The following PLBD2 variants were observed in gnomAD, a reference collection of about 807,000 sequenced individuals.
The protein encoded by PLBD2 is putative aminopeptidase PLBD2.
In PLBD2, 51 loss-of-function variants were observed where a neutral mutation model predicts 68.3. The ratio of observed to expected loss-of-function variants is 0.75; its 90% confidence interval spans 0.60 to 0.94. The LOEUF is 0.94. Ranked by LOEUF, PLBD2 falls within the 40% of genes least tolerant of loss-of-function variation. PLBD2 has a pLI of 0.00. For synonymous variants in PLBD2, 314 were observed against 339.3 expected (o/e 0.93, Z 0.82); for missense variants, 729 against 792.2 (o/e 0.92, Z 0.96).
intron 5 of PLBD2, among the ~76,000 whole-genome samples, chr12:113,379,900 C>T (rs778900662): frequency 1.3e-5 from 2 of 152,158 alleles, no homozygotes; most frequent in Non-Finnish European, 2.9e-5. Context: ...CATATACCCA[C>T]GCACACACAG....
Position 113,385,042 on chromosome 12 carries a change from G to T in PLBD2, c.1214+96G>T, listed in dbSNP as rs535918532. 138 of 1,352,732 alleles carry T rather than the reference G, an allele frequency of 1.0e-4. No homozygotes were observed. The South Asian group carries it at 1.6e-3, about 16-fold the overall frequency. 83.8% of individuals were successfully genotyped at this position (1,352,732 alleles called of 1,614,324 possible). A position where few individuals can be genotyped will look rare whatever the true frequency, so the allele number is the denominator to read the frequency against. The stretch of plus-strand genomic sequence containing the variant: ...TGCTGGCGCTGTGCAGGAAGTGAAC[G>T]ATCTCAGGAGGGTGTGGCTGGAAGA... On this transcript the variant is annotated intron_variant, in intron 8 of 11. Coordinates refer to ENST00000280800, the MANE Select transcript of PLBD2 (RefSeq NM_173542.4).
chr12:113,362,459 C>T (rs981137095), intron 1 of PLBD2, among the ~76,000 whole-genome samples: 2 of 151,920 alleles, frequency 1.3e-5, no homozygotes, highest in African/African-American at 2.4e-5. Context: ...TATTTGTGGC[C>T]CCCTGCTCAT....
Position 113,358,656 on chromosome 12 carries a change from G to A in PLBD2, c.56G>A (p.Arg19Gln), listed in dbSNP as rs912915152. 8 of 1,461,680 alleles carry A rather than the reference G, an allele frequency of 5.5e-6. No individual in the cohort carries two copies. Among genetic ancestry groups the A allele is most frequent in the South Asian group, 2.7e-5 (2 of 74,892 alleles). The allele number at this position is 1,461,680 out of a possible 1,614,324, so 90.5% of individuals were successfully genotyped here. A position where few individuals can be genotyped will look rare whatever the true frequency, so the allele number is the denominator to read the frequency against. The stretch of plus-strand genomic sequence containing the variant: ...AGCCACCTGGCCCGGGCGCTGACGC[G>A]GGCGCTGGCGCTGGCCCTGGTGCTG... ...PGSHLARALT[R>Q]ALALALVLAL... The change falls in exon 1 of 12, where the codon CGG becomes CAG. Residue 19 changes from arginine to glutamine, a missense_variant. Arg to Gln is a conservative substitution (Grantham distance 43). Coordinates refer to ENST00000280800, the MANE Select transcript of PLBD2 (RefSeq NM_173542.4).
chr12:113,370,836 A>C (rs1443346434), intron 2 of PLBD2, among the ~76,000 whole-genome samples: 1 of 152,178 alleles, frequency 6.6e-6, no homozygotes, highest in Non-Finnish European at 1.5e-5. Flanking sequence ...TGTCATGTGT[A>C]CTTCACAGTA....
At position 113,358,652 on chromosome 12, in the gene PLBD2, A is replaced by G. The variant is rs1156725507; in HGVS notation, c.52A>G (p.Thr18Ala). 1 of 1,462,136 alleles carries G rather than the reference A, an allele frequency of 6.8e-7. No homozygotes were observed. Among genetic ancestry groups the G allele is most frequent in the East Asian group, 3.1e-5 (1 of 32,710 alleles). 90.6% of individuals were successfully genotyped at this position (1,462,136 alleles called of 1,614,324 possible). A position where few individuals can be genotyped will look rare whatever the true frequency, so the allele number is the denominator to read the frequency against. ...YPGSHLARAL[T>A]RALALALVLA... ...CGGCAGCCACCTGGCCCGGGCGCTG[A>G]CGCGGGCGCTGGCGCTGGCCCTGGT... Residue 18 changes from threonine to alanine, a missense_variant, in exon 1 of 12, where the codon ACG becomes GCG. Thr to Ala is a moderately conservative substitution (Grantham distance 58). Coordinates refer to ENST00000280800, the MANE Select transcript of PLBD2 (RefSeq NM_173542.4).
chr12:113,370,680 G>A (rs1160869928), intron 2 of PLBD2, among the ~76,000 whole-genome samples: 3 of 151,934 alleles, frequency 2.0e-5, no homozygotes, highest in African/African-American at 4.8e-5. Flanking sequence ...GTTTTGCCAT[G>A]TTGGCCAGGC....
Position 113,358,717 on chromosome 12 carries a change from G to A in PLBD2, c.117G>A (p.Ala39=). The change falls in exon 1 of 12, where the codon GCG becomes GCA. Residue 39 remains alanine, a synonymous_variant. Coordinates refer to ENST00000280800, the MANE Select transcript of PLBD2 (RefSeq NM_173542.4). ...LLVGPFLSGL[A]GAIPAPGGRW... ...TCGGGCCGTTCCTGAGCGGCCTGGC[G>A]GGGGCGATCCCAGCGCCGGGGGGCC... The A allele has an allele frequency of 7.2e-7, 1 of 1,395,066 alleles. No individual in the cohort carries two copies. Among genetic ancestry groups the A allele is most frequent in the Non-Finnish European group, 9.2e-7 (1 of 1,081,570 alleles). The allele number at this position is 1,395,066 out of a possible 1,614,324, so 86.4% of individuals were successfully genotyped here. A position where few individuals can be genotyped will look rare whatever the true frequency, so the allele number is the denominator to read the frequency against.
intron 3 of PLBD2, among the ~76,000 whole-genome samples, chr12:113,373,709 A>G (rs2136910140): frequency 8.8e-6 from 1 of 114,260 alleles, no homozygotes; most frequent in African/African-American, 3.4e-5. Flanking sequence ...TCCTCCATCC[A>G]CCCATCCTTC....
At chr12:113,370,963 G>A (rs1957384849) in intron 2 of PLBD2, among the ~76,000 whole-genome samples, 1 of 152,214 alleles carries the variant, frequency 6.6e-6, no homozygotes, top group Admixed American at 6.5e-5. Context: ...GGCTGAGGAG[G>A]GAGGACTGCT....
Position 113,388,519 on chromosome 12 carries a change from G to A in PLBD2, c.1663G>A (p.Asp555Asn), listed in dbSNP as rs975330984. Reference protein sequence around the residue: ...SLLAASGPTWDQVPPFQWSTS... With the variant: ...SLLAASGPTWNQVPPFQWSTS... ...GCTGGCGGCCAGCGGTCCCACGTGG[G>A]ACCAGGTGCCCCCGTTCCAGTGGAG... is the stretch of plus-strand genomic sequence containing the variant. The change falls in exon 12 of 12, where the codon GAC (aspartate) becomes AAC (asparagine). Residue 555 changes from aspartate to asparagine, a missense_variant. Coordinates refer to ENST00000280800, the MANE Select transcript of PLBD2 (RefSeq NM_173542.4). The A allele has an allele frequency of 3.1e-6, 5 of 1,610,012 alleles. No individual in the cohort carries two copies. The highest frequency in any genetic ancestry group is 3.4e-6 in the Non-Finnish European group (4 of 1,179,066).
chr12:113,390,356 A>G lies in PLBD2; in HGVS notation c.*1730A>G, dbSNP rs1167111061. 1 of 149,806 alleles carries G rather than the reference A, an allele frequency of 6.7e-6. No individual in the cohort carries two copies. The highest frequency in any genetic ancestry group is 1.5e-5 in the Non-Finnish European group (1 of 67,430). 9.3% of individuals were successfully genotyped at this position (149,806 alleles called of 1,614,324 possible). A position where few individuals can be genotyped will look rare whatever the true frequency, so the allele number is the denominator to read the frequency against. ...ATCCATCCATCCAATCACCCATCCA[A>G]CCATCAATCCAACCATTTTCATCTG... On this transcript the variant is annotated 3_prime_UTR_variant, in exon 12 of 12. Transcript: ENST00000280800.
At chr12:113,378,450 C>T (rs987613097) in intron 5 of PLBD2, among the ~76,000 whole-genome samples, 3 of 152,054 alleles carry the variant, frequency 2.0e-5, no homozygotes, top group Admixed American at 1.3e-4. Flanking sequence ...GAATTATTTG[C>T]GACTTCCTTC....
intron 1 of PLBD2, among the ~76,000 whole-genome samples, chr12:113,360,034 C>T (rs1298549628): frequency 1.3e-5 from 2 of 152,214 alleles, no homozygotes; most frequent in Non-Finnish European, 2.9e-5. Flanking sequence ...CCCACTTTAG[C>T]CCCTATCCAT....
chr12:113,388,087 A>G (rs1957571202), intron 11 of PLBD2, among the ~76,000 whole-genome samples, 181 bp downstream of exon 11: 1 of 152,144 alleles, frequency 6.6e-6, no homozygotes, highest in South Asian at 2.1e-4. Context: ...CATGCCTGTA[A>G]TCCCAGCACT....
intron 1 of PLBD2, among the ~76,000 whole-genome samples, chr12:113,363,555 T>C (rs1957314466): frequency 6.6e-6 from 1 of 150,900 alleles, no homozygotes; most frequent in African/African-American, 2.4e-5. Flanking sequence ...TTTTTTTTTT[T>C]TGAGGTGGAG....
chr12:113,366,987 T>C (rs1957347686), intron 1 of PLBD2, among the ~76,000 whole-genome samples: 1 of 152,114 alleles, frequency 6.6e-6, no homozygotes. Context: ...ACCCAGCTGA[T>C]TATTCTATTT....
At chr12:113,382,682 A>G (rs181428365) in intron 6 of PLBD2, among the ~76,000 whole-genome samples, 125 of 151,904 alleles carry the variant, frequency 8.2e-4, no homozygotes, top group African/African-American at 2.7e-3. Context: ...GGCTCAAGCA[A>G]TCTGACCCCC....
chr12:113,375,936 C>G (rs1957434890), intron 5 of PLBD2, among the ~76,000 whole-genome samples: 1 of 152,152 alleles, frequency 6.6e-6, no homozygotes, highest in Non-Finnish European at 1.5e-5. Flanking sequence ...TCACTGCAAC[C>G]TCTGCCTCCC....
intron 5 of PLBD2, 36 bp from the exon 6 acceptor site, chr12:113,380,705 CCTGT>C: frequency 6.6e-7 from 1 of 1,515,134 alleles, no homozygotes; most frequent in Non-Finnish European, 8.9e-7. Flanking sequence ...TCCACCTGTG[CCTGT>C]CTGACCAGCA....
Sources: gnomAD v4.1 joint callset for allele counts (sites outside exome capture counted in the v4.1 genomes callset) on GRCh38, gnomAD v4.1.1 for gene constraint, MANE v1.5 for transcripts, NCBI Gene and HGNC (gene_info 2026-07-23, HGNC 2026-07-21) for gene names.